The following DDR2 variants were observed in gnomAD, a reference collection of about 807,000 sequenced individuals.
DDR2 encodes discoidin domain receptor tyrosine kinase 2.
In DDR2, 27 loss-of-function variants were observed where a neutral mutation model predicts 94.9. That is an observed-to-expected ratio of 0.28 (90% CI 0.21 to 0.39). DDR2 has a LOEUF of 0.39. DDR2 is among the 10% of genes least tolerant of loss of function. The pLI is 1.00. For synonymous variants in DDR2, 382 were observed against 377.2 expected (o/e 1.01, Z -0.15); for missense variants, 783 against 1,076.0 (o/e 0.73, Z 3.81).
chr1:162,732,314 C>G (rs1188567709), intron 3 of DDR2, among the ~76,000 whole-genome samples: 1 of 152,222 alleles, frequency 6.6e-6, no homozygotes, highest in Admixed American at 6.5e-5. Context: ...AAGGACCAGT[C>G]TGAAACAGCC....
rs1648077821 is a variant in DDR2 at position 162,784,740 on chromosome 1, A to C, written c.*4494A>C. ...AAAACTTGTTATTTTGAAAGAACTT[A>C]AGGCTCACAAGATGTTACAAAAATA... On this transcript the variant is annotated 3_prime_UTR_variant, in exon 18 of 18. Coordinates refer to ENST00000367921, the MANE Select transcript of DDR2 (RefSeq NM_006182.4). 2 of 152,154 alleles carry C rather than the reference A, an allele frequency of 1.3e-5. No homozygotes were observed. The highest frequency in any genetic ancestry group is 4.1e-4 in the South Asian group (2 of 4,832). 9.4% of individuals were successfully genotyped at this position (152,154 alleles called of 1,614,324 possible).
chr1:162,743,683 A>G (rs1226197485), intron 3 of DDR2, among the ~76,000 whole-genome samples: 1 of 152,262 alleles, frequency 6.6e-6, no homozygotes, highest in Non-Finnish European at 1.5e-5. Context: ...ATCTTTCTCC[A>G]GAGATTATTT....
intron 3 of DDR2, among the ~76,000 whole-genome samples, chr1:162,734,823 G>C (rs1201172422): frequency 6.6e-6 from 1 of 152,186 alleles, no homozygotes; most frequent in African/African-American, 2.4e-5. Context: ...TGGACCTCAA[G>C]GGTCACATTT....
At chr1:162,779,912 A>G (rs1337875485) in intron 17 of DDR2, among the ~76,000 whole-genome samples, 200 bp from the exon 18 acceptor site, 1 of 152,168 alleles carries the variant, frequency 6.6e-6, no homozygotes, top group East Asian at 1.9e-4. Flanking sequence ...AGACAAATGG[A>G]ACAGCTTAGA....
chr1:162,744,545 C>A (rs1662759170), intron 3 of DDR2, among the ~76,000 whole-genome samples: 1 of 151,866 alleles, frequency 6.6e-6, no homozygotes, highest in South Asian at 2.1e-4. Context: ...ACTTTAAGTT[C>A]TGGGGTACAT....
chr1:162,664,510 A>G (rs1658450052), intron 2 of DDR2, among the ~76,000 whole-genome samples: 1 of 152,164 alleles, frequency 6.6e-6, no homozygotes, highest in South Asian at 2.1e-4. Context: ...GGTTAAATAT[A>G]TAAGTTATAA....
chr1:162,770,277 C>T (rs371266836), intron 11 of DDR2, 25 bp from the exon 12 acceptor site: 21 of 1,612,366 alleles, frequency 1.3e-5, no homozygotes, highest in Non-Finnish European at 1.5e-5. Context: ...GCCAACATGC[C>T]TTTCTCCTTG....
chr1:162,775,856 G>T lies in DDR2; in HGVS notation c.2048+13G>T, dbSNP rs755062383. On this transcript the variant is annotated intron_variant, in intron 15 of 17. Transcript: ENST00000367921. ...TACGCACTGTCAGGTAAACAAGCCA[G>T]GTCTTCCTTCTCCTCCCTGTGGTCA... 1 of 1,613,716 alleles carries T rather than the reference G, an allele frequency of 6.2e-7. No individual in the cohort carries two copies. The highest frequency in any genetic ancestry group is 8.5e-7 in the Non-Finnish European group (1 of 1,179,936).
Position 162,672,609 on chromosome 1 carries a change from C to T in DDR2, c.-28+17235C>T, listed in dbSNP as rs367733307. On this transcript the variant is annotated intron_variant, in intron 2 of 17. Coordinates refer to ENST00000367921, the MANE Select transcript of DDR2 (RefSeq NM_006182.4). ...ATATATACATATAGATTCATGTATACTTTATTGTTTCTTCATTAATTGACC... is the reference window on the plus strand; with the variant it reads ...ATATATACATATAGATTCATGTATATTTTATTGTTTCTTCATTAATTGACC... Among the ~76,000 whole-genome samples the T allele has an allele frequency of 2.7e-4, 41 of 152,104 alleles. 1 individual carries two copies. The Middle Eastern group carries it at 0.01, about 38-fold the overall frequency.
intron 3 of DDR2, among the ~76,000 whole-genome samples, chr1:162,729,804 C>T (rs112628285): frequency 1.6e-3 from 242 of 151,636 alleles, no homozygotes; most frequent in African/African-American, 5.4e-3. Context: ...AGTGCAATGG[C>T]GCAATCTCGG....
intron 3 of DDR2, among the ~76,000 whole-genome samples, chr1:162,743,660 A>C (rs1184538100): frequency 6.6e-6 from 1 of 152,226 alleles, no homozygotes; most frequent in Non-Finnish European, 1.5e-5. Context: ...AATACACAAA[A>C]ATCTTCAAAA....
chr1:162,735,879 A>T (rs1662275053), intron 3 of DDR2, among the ~76,000 whole-genome samples: 1 of 152,238 alleles, frequency 6.6e-6, no homozygotes, highest in South Asian at 2.1e-4. Context: ...CAACAATATC[A>T]TGATTCACCT....
intron 14 of DDR2, among the ~76,000 whole-genome samples, chr1:162,774,328 A>G (rs1647405665): frequency 6.6e-6 from 1 of 152,238 alleles, no homozygotes; most frequent in Non-Finnish European, 1.5e-5. Context: ...CCTGGATAAC[A>G]TATGCATTTT....
chr1:162,726,411 T>A (rs1462490853), intron 3 of DDR2, among the ~76,000 whole-genome samples: 2 of 152,192 alleles, frequency 1.3e-5, no homozygotes, highest in African/African-American at 4.8e-5. Context: ...TACTGCATCA[T>A]CACCTTTCCA....
intron 11 of DDR2, 56 bp downstream of exon 11, chr1:162,767,415 C>T: frequency 6.2e-7 from 1 of 1,604,082 alleles, no homozygotes; most frequent in Non-Finnish European, 8.5e-7. Flanking sequence ...TTTCTTAAGC[C>T]ACTGTTGTCC....
intron 1 of DDR2, among the ~76,000 whole-genome samples, chr1:162,647,990 A>G (rs1657495989): frequency 6.6e-6 from 1 of 152,052 alleles, no homozygotes; most frequent in South Asian, 2.1e-4. Context: ...TCCCTATTCA[A>G]GATGGAGTTG....
intron 2 of DDR2, among the ~76,000 whole-genome samples, chr1:162,657,857 C>T (rs1464854584): frequency 6.6e-6 from 1 of 151,992 alleles, no homozygotes; most frequent in Non-Finnish European, 1.5e-5. Flanking sequence ...CAGTCTGCTC[C>T]CTTCTCTTTT....
intron 1 of DDR2, among the ~76,000 whole-genome samples, chr1:162,638,672 G>A (rs1656960989): frequency 6.6e-6 from 1 of 152,180 alleles, no homozygotes; most frequent in South Asian, 2.1e-4. Flanking sequence ...GAGGATTGGT[G>A]AAGTTTTCAA....
At chr1:162,745,162 C>T (rs956596122) in intron 3 of DDR2, among the ~76,000 whole-genome samples, 6 of 152,176 alleles carry the variant, frequency 3.9e-5, no homozygotes, top group African/African-American at 1.4e-4. Context: ...TATTCAACTT[C>T]TTTGACCACT....
Sources: gnomAD v4.1 joint callset for allele counts (sites outside exome capture counted in the v4.1 genomes callset) on GRCh38, gnomAD v4.1.1 for gene constraint, MANE v1.5 for transcripts, NCBI Gene and HGNC (gene_info 2026-07-23, HGNC 2026-07-21) for gene names.